The following LYPLAL1 variants were observed in gnomAD, a reference collection of about 807,000 sequenced individuals.
The protein encoded by LYPLAL1 is lysophospholipase like 1.
Under a neutral mutation model 19.7 loss-of-function variants are expected in LYPLAL1, and 23 were observed. That is an observed-to-expected ratio of 1.17 (90% CI 0.84 to 1.65). The LOEUF is 1.65. Among genes scored for constraint, LYPLAL1 ranks in the 40% most tolerant of loss-of-function variants. The pLI is 0.00. For synonymous variants in LYPLAL1, 119 were observed against 96.3 expected (o/e 1.24, Z -1.38); for missense variants, 355 against 279.4 (o/e 1.27, Z -1.93).
the LYPLAL1 span, among the ~76,000 whole-genome samples, chr1:219,439,996 CATATATATATATATAT>C: frequency 2.1e-5 from 1 of 47,160 alleles, no homozygotes; most frequent in East Asian, 3.1e-4. Context: ...TATATACACA[CATATATATATATATAT>C]ACACACACAC....
chr1:219,425,571 AT>A, the LYPLAL1 span, among the ~76,000 whole-genome samples: 1 of 152,318 alleles, frequency 6.6e-6, no homozygotes, highest in East Asian at 1.9e-4. Flanking sequence ...TTAATCCTCA[AT>A]TGCCTCACTT....
the LYPLAL1 span, among the ~76,000 whole-genome samples, chr1:219,407,221 A>G: frequency 6.6e-6 from 1 of 152,204 alleles, no homozygotes; most frequent in African/African-American, 2.4e-5. Context: ...GAAAACAAAA[A>G]AAATGATTAG....
Position 219,210,524 on chromosome 1 carries a change from G to GC in LYPLAL1, c.362-8_362-7insC, listed in dbSNP as rs1658932645. ...GTATTCTACTTTTAAGTATGTTTTT[G>GC]TTTTTAGGAGGATTCTCTATGGGAG... is the stretch of plus-strand genomic sequence containing the variant. On this transcript the variant is annotated splice_region_variant and splice_polypyrimidine_tract_variant and intron_variant, in intron 3 of 4. Transcript: ENST00000366928. 6.5e-7 allele frequency: 1 copy of GC among 1,527,488 alleles called. No individual in the cohort carries two copies. Among genetic ancestry groups the GC allele is most frequent in the Admixed American group, 1.8e-5 (1 of 54,658 alleles). The allele number at this position is 1,527,488 out of a possible 1,614,324, so 94.6% of individuals were successfully genotyped here.
intron 3 of LYPLAL1, among the ~76,000 whole-genome samples, chr1:219,203,828 G>A (rs1658318781): frequency 2.0e-5 from 3 of 152,128 alleles, no homozygotes; most frequent in South Asian, 4.1e-4. Context: ...AAAACAGCAA[G>A]AAAGCAAATG....
chr1:219,247,009 C>G, the LYPLAL1 span, among the ~76,000 whole-genome samples: 2 of 152,166 alleles, frequency 1.3e-5, no homozygotes, highest in Non-Finnish European at 2.9e-5. Flanking sequence ...CACCTTCTTC[C>G]CTGTATCTGT....
the LYPLAL1 span, among the ~76,000 whole-genome samples, chr1:219,318,774 C>T: frequency 6.6e-6 from 1 of 152,084 alleles, no homozygotes; most frequent in Non-Finnish European, 1.5e-5. Context: ...ATGAAATTAC[C>T]GTGTCCTCAA....
the LYPLAL1 span, among the ~76,000 whole-genome samples, chr1:219,439,994 CACATAT>C: frequency 1.4e-4 from 17 of 117,630 alleles, no homozygotes; most frequent in East Asian, 4.8e-4. Flanking sequence ...TATATATACA[CACATAT>C]ATATATATAT....
the LYPLAL1 span, among the ~76,000 whole-genome samples, chr1:219,405,783 G>A: frequency 3.3e-5 from 5 of 152,168 alleles, no homozygotes; most frequent in Non-Finnish European, 7.4e-5. Context: ...GACCTTCCAA[G>A]GCCAGTTCAT....
chr1:219,416,922 C>T, the LYPLAL1 span, among the ~76,000 whole-genome samples: 1 of 152,132 alleles, frequency 6.6e-6, no homozygotes, highest in African/African-American at 2.4e-5. Context: ...CCTCAATTAG[C>T]CTGGGCTTAT....
chr1:219,373,068 A>G, the LYPLAL1 span, among the ~76,000 whole-genome samples: 5 of 152,210 alleles, frequency 3.3e-5, no homozygotes, highest in African/African-American at 1.2e-4. Flanking sequence ...AGACTGGTCT[A>G]TTGTTTAACC....
the LYPLAL1 span, among the ~76,000 whole-genome samples, chr1:219,335,033 C>A: frequency 6.6e-6 from 1 of 152,002 alleles, no homozygotes; most frequent in Admixed American, 6.6e-5. Flanking sequence ...ACCTTCTTTC[C>A]AAACCCACTT....
chr1:219,277,979 C>A, the LYPLAL1 span, among the ~76,000 whole-genome samples: 3 of 152,258 alleles, frequency 2.0e-5, no homozygotes, highest in South Asian at 6.2e-4. Flanking sequence ...AGAAAGATGG[C>A]AAACGTACAA....
the LYPLAL1 span, among the ~76,000 whole-genome samples, chr1:219,245,175 CCCTTCCTTCCTTCCTTCCTT>C: frequency 0.24 from 32,242 of 132,498 alleles, 4,226 homozygotes; most frequent in East Asian, 0.55. Flanking sequence ...CCTCTTCCAT[CCCTTCCTTCCTTCCTTCCTT>C]CCTTCCTTCC....
At chr1:219,244,763 T>C in the LYPLAL1 span, among the ~76,000 whole-genome samples, 1 of 152,002 alleles carries the variant, frequency 6.6e-6, no homozygotes, top group Admixed American at 6.6e-5. Flanking sequence ...CTGGCCAACA[T>C]GGTGAGACCC....
chr1:219,411,132 T>G, the LYPLAL1 span, among the ~76,000 whole-genome samples: 4 of 121,990 alleles, frequency 3.3e-5, no homozygotes, highest in African/African-American at 1.2e-4. Flanking sequence ...GGTGGGGACG[T>G]GGAGAGTCTT....
the LYPLAL1 span, among the ~76,000 whole-genome samples, chr1:219,267,982 C>G: frequency 1.2e-4 from 18 of 152,184 alleles, no homozygotes; most frequent in African/African-American, 4.3e-4. Flanking sequence ...CACACAGTAG[C>G]TTTTCAACTC....
At chr1:219,344,246 C>T in the LYPLAL1 span, among the ~76,000 whole-genome samples, 5 of 152,138 alleles carry the variant, frequency 3.3e-5, no homozygotes, top group Non-Finnish European at 5.9e-5. Context: ...AACCAGTGAA[C>T]CCCCATTGTT....
chr1:219,264,091 T>G, the LYPLAL1 span, among the ~76,000 whole-genome samples: 3 of 152,146 alleles, frequency 2.0e-5, no homozygotes, highest in African/African-American at 7.2e-5. Flanking sequence ...CTAATCCAAT[T>G]TTTATTTTTT....
chr1:219,207,367 G>T (rs886505749), intron 3 of LYPLAL1, among the ~76,000 whole-genome samples: 1 of 151,998 alleles, frequency 6.6e-6, no homozygotes, highest in African/African-American at 2.4e-5. Context: ...TAGTGGGTCT[G>T]GGATTGGGTC....
Sources: gnomAD v4.1 joint callset for allele counts (sites outside exome capture counted in the v4.1 genomes callset) on GRCh38, gnomAD v4.1.1 for gene constraint, MANE v1.5 for transcripts, NCBI Gene and HGNC (gene_info 2026-07-23, HGNC 2026-07-21) for gene names.